GRM7: variants seen among roughly 807,000 people sequenced by gnomAD.
GRM7 encodes glutamate metabotropic receptor 7, also known as metabotropic glutamate receptor 7.
In GRM7, 35 loss-of-function variants were observed where a neutral mutation model predicts 84.5. The observed-to-expected ratio is 0.41, with a 90% CI of 0.32 to 0.55. The LOEUF (loss-of-function observed/expected upper bound fraction) is 0.55, where lower values mean the gene tolerates loss of function less well. GRM7 is among the 20% of genes least tolerant of loss of function. GRM7 has a pLI of 0.19. For missense variants in GRM7, 1,003 were observed against 1,194.6 expected, an observed-to-expected ratio of 0.84 and a Z score of 2.36; for synonymous variants, 487 against 455.1, an observed-to-expected ratio of 1.07 and a Z score of -0.89.
At chr3:7,667,322 G>T (rs775560067) in intron 8 of GRM7, among the ~76,000 whole-genome samples, 1 of 151,452 alleles carries the variant, frequency 6.6e-6, no homozygotes, top group Non-Finnish European at 1.5e-5. Flanking sequence ...CTAGTTGCAT[G>T]GAAATGAGAA....
At chr3:7,002,286 G>T (rs569683460) in intron 1 of GRM7, among the ~76,000 whole-genome samples, 1 of 152,156 alleles carries the variant, frequency 6.6e-6, no homozygotes, top group African/African-American at 2.4e-5. Flanking sequence ...GAGGAATTTT[G>T]TATAATCTTT....
chr3:7,335,762 A>T lies in GRM7; in HGVS notation c.1033+29110A>T, dbSNP rs190801889. Among the ~76,000 whole-genome samples the T allele has an allele frequency of 1.8e-4, 28 of 152,268 alleles. 1 individual carries two copies. The highest frequency in any genetic ancestry group is 1.7e-3 in the Admixed American group (26 of 15,280). On this transcript the variant is annotated intron_variant, in intron 4 of 9. Transcript: ENST00000357716. ...CCACAGAAATACTAAAGATCATTCA[A>T]GGCTACTGTGAACACCTTTATGCAC...
intron 1 of GRM7, among the ~76,000 whole-genome samples, chr3:7,012,375 T>C (rs1382230257): frequency 1.3e-5 from 2 of 152,206 alleles, no homozygotes; most frequent in Non-Finnish European, 2.9e-5. Context: ...TAAAAACTGT[T>C]CTTTACAATT....
intron 1 of GRM7, among the ~76,000 whole-genome samples, chr3:6,971,502 C>T (rs1006424237): frequency 2.6e-5 from 4 of 152,104 alleles, no homozygotes; most frequent in Non-Finnish European, 2.9e-5. Context: ...AATCAAGAAA[C>T]GGATATTTCT....
intron 4 of GRM7, among the ~76,000 whole-genome samples, chr3:7,328,972 T>A (rs556892475): frequency 6.6e-6 from 1 of 152,208 alleles, no homozygotes; most frequent in South Asian, 2.1e-4. Context: ...CTTTTCAACA[T>A]AACTTTACGT....
At chr3:7,378,621 G>T (rs1304277410) in intron 4 of GRM7, among the ~76,000 whole-genome samples, 1 of 152,024 alleles carries the variant, frequency 6.6e-6, no homozygotes, top group African/African-American at 2.4e-5. Flanking sequence ...GACAAGAGAG[G>T]TTATATTTTA....
intron 7 of GRM7, among the ~76,000 whole-genome samples, chr3:7,512,153 A>G (rs1559371113): frequency 6.6e-6 from 1 of 152,008 alleles, no homozygotes; most frequent in Non-Finnish European, 1.5e-5. Context: ...TCTGGAAATA[A>G]AAAAGAAAAG....
At chr3:7,739,150 C>A (rs1444424894) in intron 9 of GRM7, among the ~76,000 whole-genome samples, 7 of 152,154 alleles carry the variant, frequency 4.6e-5, no homozygotes, top group Admixed American at 4.6e-4. Flanking sequence ...CAAAGTTTGT[C>A]AGAGAATCCC....
intron 1 of GRM7, among the ~76,000 whole-genome samples, chr3:6,948,811 G>A (rs1263093802): frequency 6.6e-6 from 1 of 152,110 alleles, no homozygotes; most frequent in Non-Finnish European, 1.5e-5. Context: ...ATTATGTAAT[G>A]GCCTTCTTTG....
At chr3:7,422,466 C>T (rs536077542) in intron 5 of GRM7, among the ~76,000 whole-genome samples, 8 of 152,034 alleles carry the variant, frequency 5.3e-5, no homozygotes, top group Non-Finnish European at 8.8e-5. Flanking sequence ...CTGTACTGAC[C>T]GGCTCTGCAG....
chr3:7,436,368 C>T (rs1326055852), intron 5 of GRM7, among the ~76,000 whole-genome samples: 1 of 152,064 alleles, frequency 6.6e-6, no homozygotes, highest in Non-Finnish European at 1.5e-5. Flanking sequence ...GGATTAGGGT[C>T]ACATACAGTC....
chr3:7,031,343 C>T (rs554685632), intron 1 of GRM7, among the ~76,000 whole-genome samples: 2 of 152,152 alleles, frequency 1.3e-5, no homozygotes, highest in East Asian at 3.9e-4. Flanking sequence ...CATGTCCCCA[C>T]CGTGAACTTC....
At chr3:7,146,887 G>GA (rs200514546) in intron 2 of GRM7, among the ~76,000 whole-genome samples, 9 of 150,176 alleles carry the variant, frequency 6.0e-5, no homozygotes, top group Admixed American at 2.7e-4. Context: ...AATAAATGAA[G>GA]AAAAAAAAAT....
At chr3:7,444,998 G>T (rs1697445964) in intron 5 of GRM7, among the ~76,000 whole-genome samples, 1 of 152,112 alleles carries the variant, frequency 6.6e-6, no homozygotes, top group African/African-American at 2.4e-5. Flanking sequence ...ACGATCAATG[G>T]GTAAGTCATC....
At chr3:6,875,182 A>AT (rs1461281093) in intron 1 of GRM7, among the ~76,000 whole-genome samples, 3 of 150,100 alleles carry the variant, frequency 2.0e-5, no homozygotes, top group Admixed American at 6.6e-5. Flanking sequence ...AATTGTAGCT[A>AT]TTTTTTTAAA....
At chr3:7,436,929 A>ATCG (rs1489485930) in intron 5 of GRM7, among the ~76,000 whole-genome samples, 2 of 151,832 alleles carry the variant, frequency 1.3e-5, no homozygotes, top group Non-Finnish European at 2.9e-5. Flanking sequence ...TATCATCATC[A>ATCG]TCATCATCAT....
At chr3:7,414,890 T>TC (rs908052226) in intron 4 of GRM7, 133 bp from the exon 5 acceptor site, 1 of 594,042 alleles carries the variant, frequency 1.7e-6, no homozygotes, top group Non-Finnish European at 2.8e-6. Flanking sequence ...CTGTTAATTT[T>TC]TTTTTTTTTC....
intron 1 of GRM7, among the ~76,000 whole-genome samples, chr3:6,890,481 C>T (rs1053402530): frequency 1.4e-4 from 21 of 151,960 alleles, no homozygotes; most frequent in African/African-American, 3.4e-4. Context: ...GTCTTCATTC[C>T]GTTATGTAGC....
chr3:7,192,372 C>T (rs916721202), intron 2 of GRM7, among the ~76,000 whole-genome samples: 3 of 152,042 alleles, frequency 2.0e-5, no homozygotes, highest in African/African-American at 7.2e-5. Context: ...CTGGATTGGC[C>T]TCCTCTCCAA....
Sources: gnomAD v4.1 joint callset for allele counts (sites outside exome capture counted in the v4.1 genomes callset) on GRCh38, gnomAD v4.1.1 for gene constraint, MANE v1.5 for transcripts, NCBI Gene and HGNC (gene_info 2026-07-23, HGNC 2026-07-21) for gene names.